The following HIVEP3 variants were observed in gnomAD, a reference collection of about 807,000 sequenced individuals.
The protein encoded by HIVEP3 is transcription factor HIVEP3.
HIVEP3 carries 49 observed loss-of-function variants against 152.8 expected under a neutral mutation model. The observed-to-expected ratio is 0.32, with a 90% CI of 0.26 to 0.41. The LOEUF (loss-of-function observed/expected upper bound fraction) is 0.41. HIVEP3 is among the 10% of genes least tolerant of loss of function. The probability of loss-of-function intolerance (pLI) is 1.00; values close to 1 mark genes in which losing one functional copy is unlikely to be tolerated. For synonymous variants in HIVEP3, 1,269 were observed against 1,289.0 expected, an observed-to-expected ratio of 0.98 and a Z score of 0.33; for missense variants, 2,790 against 3,103.3, an observed-to-expected ratio of 0.90 and a Z score of 2.40.
intron 5 of HIVEP3, among the ~76,000 whole-genome samples, chr1:41,531,360 C>T (rs1643245642): frequency 7.6e-6 from 1 of 131,914 alleles, no homozygotes; most frequent in Non-Finnish European, 1.6e-5. Flanking sequence ...AGATGGAGGA[C>T]AGGAGAGATG....
At chr1:41,591,403 G>C (rs997510360) in intron 3 of HIVEP3, among the ~76,000 whole-genome samples, 2 of 152,130 alleles carry the variant, frequency 1.3e-5, no homozygotes, top group African/African-American at 4.8e-5. Context: ...CTGCATGCTG[G>C]AGCCAAGTGG....
intron 1 of HIVEP3, among the ~76,000 whole-genome samples, chr1:41,813,894 C>T (rs1400312823): frequency 6.6e-6 from 1 of 152,192 alleles, no homozygotes; most frequent in Non-Finnish European, 1.5e-5. Flanking sequence ...GCTTCTTCCC[C>T]AACCATTCAG....
At chr1:41,979,197 T>C (rs1645281070) in intron 1 of HIVEP3, among the ~76,000 whole-genome samples, 1 of 152,170 alleles carries the variant, frequency 6.6e-6, no homozygotes, top group African/African-American at 2.4e-5. Context: ...CTTAGGCAGA[T>C]GAAAGTTTGA....
intron 5 of HIVEP3, among the ~76,000 whole-genome samples, chr1:41,539,002 C>T (rs1195779483): frequency 1.3e-5 from 2 of 152,206 alleles, no homozygotes; most frequent in African/African-American, 4.8e-5. Context: ...CTCTGGATTG[C>T]GTTGGTTTTC....
At chr1:41,806,359 G>A (rs376322300) in intron 1 of HIVEP3, among the ~76,000 whole-genome samples, 1 of 152,150 alleles carries the variant, frequency 6.6e-6, no homozygotes, top group Non-Finnish European at 1.5e-5. Context: ...GATTTCCTGG[G>A]TGTGGTCCCC....
chr1:41,793,442 A>C (rs897505685), intron 1 of HIVEP3, among the ~76,000 whole-genome samples: 19 of 152,204 alleles, frequency 1.2e-4, no homozygotes. Flanking sequence ...GGTCACACAC[A>C]GAGGGGCAGA....
intron 1 of HIVEP3, among the ~76,000 whole-genome samples, chr1:41,746,469 TAAG>T (rs1258101898): frequency 6.6e-6 from 1 of 152,204 alleles, no homozygotes; most frequent in Admixed American, 6.5e-5. Context: ...TTCCTTCCAA[TAAG>T]AAGAATCTAA....
chr1:41,795,014 A>T (rs1315426221), intron 1 of HIVEP3, among the ~76,000 whole-genome samples: 1 of 152,196 alleles, frequency 6.6e-6, no homozygotes, highest in Non-Finnish European at 1.5e-5. Flanking sequence ...TATAACCTCA[A>T]ATGGACCTAA....
At chr1:41,797,498 T>G (rs1007111921) in intron 1 of HIVEP3, among the ~76,000 whole-genome samples, 1 of 152,066 alleles carries the variant, frequency 6.6e-6, no homozygotes. Context: ...ATTACATGCT[T>G]CTTCTTATTT....
At position 41,918,171 on chromosome 1, in the gene HIVEP3, G is replaced by C. The variant is rs1452157660; in HGVS notation, c.-801+242C>G. On this transcript the variant is annotated intron_variant, in intron 1 of 8. Transcript: ENST00000372583. The surrounding 1 kb of genome is among the most constrained non-coding windows in gnomAD (Gnocchi z 4.3). ...GCGGGGGTCACTTGAGGCTCGCGCCGCTCCCCAGCACCAGGCCGAGCAGCG... is the reference window on the plus strand; with the variant it reads ...GCGGGGGTCACTTGAGGCTCGCGCCCCTCCCCAGCACCAGGCCGAGCAGCG... Among the ~76,000 whole-genome samples the C allele has an allele frequency of 1.3e-5, 2 of 151,756 alleles. No individual in the cohort carries two copies. Among genetic ancestry groups the C allele is most frequent in the Non-Finnish European group, 2.9e-5 (2 of 67,886 alleles).
intron 1 of HIVEP3, among the ~76,000 whole-genome samples, chr1:42,029,841 A>G (rs1419371917): frequency 6.6e-6 from 1 of 152,230 alleles, no homozygotes; most frequent in Non-Finnish European, 1.5e-5. Flanking sequence ...AAGTAAAGGC[A>G]TGCCAATTCT....
At chr1:42,003,650 A>C (rs1645441494) in intron 1 of HIVEP3, among the ~76,000 whole-genome samples, 1 of 152,174 alleles carries the variant, frequency 6.6e-6, no homozygotes, top group Non-Finnish European at 1.5e-5. Context: ...GATTGGCAGC[A>C]AACCAGGCCA....
upstream of HIVEP3, among the ~76,000 whole-genome samples, chr1:41,921,100 GC>G (rs1253131902): frequency 2.0e-5 from 3 of 152,164 alleles, no homozygotes; most frequent in African/African-American, 7.2e-5. Context: ...CCATACGGGG[GC>G]TTTTGGTTTG....
intron 1 of HIVEP3, among the ~76,000 whole-genome samples, chr1:41,949,546 C>T (rs899944536): frequency 4.6e-5 from 7 of 152,072 alleles, no homozygotes; most frequent in Non-Finnish European, 7.4e-5. Context: ...AATCCAGAAT[C>T]GTCACCGAGA....
intron 1 of HIVEP3, among the ~76,000 whole-genome samples, chr1:41,760,023 A>G (rs1367141062): frequency 6.6e-6 from 1 of 152,130 alleles, no homozygotes; most frequent in Non-Finnish European, 1.5e-5. Context: ...AATGGGGTGA[A>G]TAAGCTGGGC....
At position 41,672,383 on chromosome 1, in the gene HIVEP3, G is replaced by A. The variant is rs138051564; in HGVS notation, c.-721+28533C>T. On this transcript the variant is annotated intron_variant, in intron 2 of 8. Transcript: ENST00000372583. ...CTTGTCTGAATCCCCAGTTCCCATG[G>A]GCAGTGTTCTTTTGCTTCTCCGGCC... Among the ~76,000 whole-genome samples the A allele has an allele frequency of 4.6e-4, 70 of 152,280 alleles. 1 individual carries two copies. Among genetic ancestry groups the A allele is most frequent in the Admixed American group, 1.2e-3 (19 of 15,294 alleles).
intron 1 of HIVEP3, among the ~76,000 whole-genome samples, chr1:41,763,657 T>C (rs1357787794): frequency 6.6e-6 from 1 of 152,248 alleles, no homozygotes; most frequent in Non-Finnish European, 1.5e-5. Flanking sequence ...TATGTGTTAG[T>C]ATGTACAAAA....
chr1:41,575,497 C>A, intron 5 of HIVEP3, 47 bp downstream of exon 5: 1 of 1,598,272 alleles, frequency 6.3e-7, no homozygotes, highest in Non-Finnish European at 8.5e-7. Context: ...TGGGCACCAG[C>A]TCTTATTCCA....
At position 42,021,487 on chromosome 1, in the gene HIVEP3, A is replaced by G. The variant is rs1645553936; in HGVS notation, n.119+14320T>C. 2.6e-5 allele frequency among the ~76,000 whole-genome samples: 4 copies of G among 152,118 alleles called. No individual in the cohort carries two copies. In the South Asian group the frequency reaches 8.3e-4, roughly 31 times the overall value. ...AGATTTAGGGTAAGGGGGGGTTGGG[A>G]GTCAGGAGTTTGGTATAGGACATGT... On this transcript the variant is annotated intron_variant and non_coding_transcript_variant, in intron 1 of 3. Coordinates refer to the HIVEP3 transcript ENST00000489103.
Sources: gnomAD v4.1 joint callset for allele counts (sites outside exome capture counted in the v4.1 genomes callset) on GRCh38, gnomAD v4.1.1 for gene constraint, Gnocchi (gnomAD v3.1) non-coding constraint, MANE v1.5 for transcripts, NCBI Gene and HGNC (gene_info 2026-07-23, HGNC 2026-07-21) for gene names.